SPIDR: variants seen among roughly 807,000 people sequenced by gnomAD.
The protein encoded by SPIDR is scaffold protein involved in DNA repair.
SPIDR carries 93 observed loss-of-function variants against 104.6 expected under a neutral mutation model. That is an observed-to-expected ratio of 0.89 (90% CI 0.75 to 1.06). The LOEUF (loss-of-function observed/expected upper bound fraction) is 1.06, where lower values mean the gene tolerates loss of function less well. Among genes scored for constraint, SPIDR ranks in the 50% least tolerant of loss-of-function variants. SPIDR has a pLI of 0.00. For missense variants in SPIDR, 1,154 were observed against 1,111.2 expected (o/e 1.04, Z -0.55); for synonymous variants, 431 against 416.9 (o/e 1.03, Z -0.41).
intron 8 of SPIDR, among the ~76,000 whole-genome samples, chr8:47,582,833 CA>C (rs2154412138): frequency 9.0e-6 from 1 of 111,158 alleles, no homozygotes; most frequent in Non-Finnish European, 1.7e-5. Context: ...AAATTACACA[CA>C]CACACACACA....
At chr8:47,655,917 T>A (rs2072707159) in intron 10 of SPIDR, among the ~76,000 whole-genome samples, 1 of 152,214 alleles carries the variant, frequency 6.6e-6, no homozygotes. Flanking sequence ...ATGCCTTACA[T>A]TTTTGGTCCA....
intron 5 of SPIDR, among the ~76,000 whole-genome samples, chr8:47,344,995 T>A (rs1168121154): frequency 6.6e-6 from 1 of 152,262 alleles, no homozygotes; most frequent in Admixed American, 6.5e-5. Flanking sequence ...TTTTGGCTTT[T>A]GTTGCCATTG....
intron 11 of SPIDR, among the ~76,000 whole-genome samples, chr8:47,682,184 C>T (rs910432758): frequency 2.7e-5 from 4 of 148,668 alleles, no homozygotes; most frequent in East Asian, 2.0e-4. Flanking sequence ...GTTTTTATTA[C>T]GTCCAAAGTG....
rs1028218904 is a variant in SPIDR at position 47,729,465 on chromosome 8, G to A, written c.2604G>A (p.Gly868=). 3 of 1,595,602 alleles carry A rather than the reference G, an allele frequency of 1.9e-6. No individual in the cohort carries two copies. The highest frequency in any genetic ancestry group is 1.7e-6 in the Non-Finnish European group (2 of 1,172,224). The change falls in exon 19 of 20, where the codon GGG becomes GGA. Residue 868 remains glycine (G), a splice_region_variant and synonymous_variant. Transcript: ENST00000297423. Reference sequence around the variant, plus strand: ...TGAGGTTTGCCGCCGGTGAAGATGGGGTAAGTGCAGGGGGCCCAGCCCAGG... The same window carrying A: ...TGAGGTTTGCCGCCGGTGAAGATGGAGTAAGTGCAGGGGGCCCAGCCCAGG... ...SLLRFAAGED[G]SYEVKSVLGK... is the part of the protein sequence containing the mutation.
intron 8 of SPIDR, among the ~76,000 whole-genome samples, chr8:47,495,722 TA>T (rs947808607): frequency 6.6e-6 from 1 of 152,306 alleles, no homozygotes; most frequent in Admixed American, 6.5e-5. Flanking sequence ...GTGTATGATG[TA>T]AAAAGGGGTT....
intron 7 of SPIDR, among the ~76,000 whole-genome samples, chr8:47,438,661 T>C (rs1343032732): frequency 6.6e-6 from 1 of 152,220 alleles, no homozygotes; most frequent in Non-Finnish European, 1.5e-5. Flanking sequence ...TGCTTGTACA[T>C]TGTGCTTATT....
At chr8:47,346,318 C>T (rs112370110) in intron 5 of SPIDR, among the ~76,000 whole-genome samples, 2,823 of 151,962 alleles carry the variant, frequency 0.019, 89 homozygotes, top group African/African-American at 0.065. Flanking sequence ...GGGATGAAGC[C>T]GACTTGTTCG....
At chr8:47,359,103 GT>G (rs1207941723) in intron 5 of SPIDR, among the ~76,000 whole-genome samples, 2 of 150,654 alleles carry the variant, frequency 1.3e-5, no homozygotes, top group Middle Eastern at 3.4e-3. Flanking sequence ...AAAAAAAAAA[GT>G]TTTTTTTTAC....
intron 15 of SPIDR, chr8:47,713,240 A>G (rs1272848460): frequency 3.4e-6 from 2 of 594,210 alleles, no homozygotes; most frequent in East Asian, 2.9e-5. Flanking sequence ...TTTAATTTTT[A>G]TTGAGTCATA....
At chr8:47,540,608 T>G (rs910703078) in intron 8 of SPIDR, among the ~76,000 whole-genome samples, 4 of 152,166 alleles carry the variant, frequency 2.6e-5, no homozygotes, top group African/African-American at 9.7e-5. Flanking sequence ...GAAGACTATC[T>G]TCCAAGGCAT....
intron 8 of SPIDR, among the ~76,000 whole-genome samples, chr8:47,580,558 G>A (rs2059603771): frequency 6.6e-6 from 1 of 152,056 alleles, no homozygotes; most frequent in South Asian, 2.1e-4. Context: ...AGAGTTTTTA[G>A]GTCAAAAACC....
chr8:47,504,850 A>G (rs952009926), intron 8 of SPIDR, among the ~76,000 whole-genome samples: 5 of 152,224 alleles, frequency 3.3e-5, no homozygotes, highest in African/African-American at 9.7e-5. Flanking sequence ...TCCTTCTAAC[A>G]GTCAGGACCC....
intron 5 of SPIDR, among the ~76,000 whole-genome samples, chr8:47,368,945 T>C (rs1170757885): frequency 2.0e-5 from 3 of 152,208 alleles, no homozygotes; most frequent in African/African-American, 7.2e-5. Flanking sequence ...ATGAAAGTTG[T>C]AGTAAACTGC....
chr8:47,542,654 C>T (rs777729683), intron 8 of SPIDR, among the ~76,000 whole-genome samples: 3 of 152,180 alleles, frequency 2.0e-5, no homozygotes, highest in South Asian at 2.1e-4. Context: ...ATTGTAGATT[C>T]GCATGCAGTT....
At chr8:47,694,308 C>A (rs1344996483) in intron 11 of SPIDR, among the ~76,000 whole-genome samples, 1 of 152,146 alleles carries the variant, frequency 6.6e-6, no homozygotes, top group Admixed American at 6.5e-5. Context: ...CCAGATATGT[C>A]TGAAAAGTCT....
Position 47,622,421 on chromosome 8 carries a change from C to G in SPIDR, c.1544+23225C>G, listed in dbSNP as rs552420894. Among the ~76,000 whole-genome samples, 176 of 152,276 alleles carry G rather than the reference C, an allele frequency of 1.2e-3. 1 individual carries two copies. Among genetic ancestry groups the G allele is most frequent in the Non-Finnish European group, 2.2e-3 (147 of 68,016 alleles). ...CCTCCTGGCCACAGGAGGCATAGTC[C>G]TCCAAGGGCTGATTAGAGGTAAGAC... On this transcript the variant is annotated intron_variant, in intron 10 of 19. Coordinates refer to ENST00000297423, the MANE Select transcript of SPIDR (RefSeq NM_001080394.4).
At chr8:47,482,769 CT>C (rs1309854713) in intron 8 of SPIDR, among the ~76,000 whole-genome samples, 5 of 152,186 alleles carry the variant, frequency 3.3e-5, no homozygotes, top group African/African-American at 1.2e-4. Context: ...TCTGACCTTT[CT>C]ATTGTGGGTT....
intron 7 of SPIDR, 43 bp downstream of exon 7, chr8:47,408,004 T>A (rs782334355): frequency 5.6e-6 from 6 of 1,080,304 alleles, no homozygotes; most frequent in East Asian, 2.6e-5. Context: ...TAAAAAAATA[T>A]TTTAGTTAAA....
At chr8:47,575,499 T>A (rs2058977571) in intron 8 of SPIDR, among the ~76,000 whole-genome samples, 1 of 145,608 alleles carries the variant, frequency 6.9e-6, no homozygotes, top group Non-Finnish European at 1.5e-5. Context: ...AAAAAAAAAT[T>A]AGCCGGGCGT....
Sources: allele counts gnomAD v4.1 joint callset (sites outside exome capture counted in the v4.1 genomes callset), GRCh38; gene constraint gnomAD v4.1.1; transcripts MANE v1.5; gene names NCBI Gene and HGNC (gene_info 2026-07-23, HGNC 2026-07-21).